UGT1A7: variants seen among roughly 807,000 people sequenced by gnomAD.
UGT1A7 encodes the protein UDP glucuronosyltransferase family 1 member A7, also known as UDP-glucuronosyltransferase 1A7.
A neutral mutation model predicts 45.6 loss-of-function variants in UGT1A7; 33 were observed. The ratio of observed to expected loss-of-function variants is 0.72; its 90% CI spans 0.55 to 0.97. The LOEUF (loss-of-function observed/expected upper bound fraction) is 0.97, where lower values mean the gene tolerates loss of function less well. UGT1A7 is among the 50% of genes least tolerant of loss of function. UGT1A7 has a pLI of 0.00. For synonymous variants in UGT1A7, 274 were observed against 250.6 expected (o/e 1.09, Z -0.88); for missense variants, 684 against 666.2 (o/e 1.03, Z -0.29).
At chr2:233,719,157 A>G (rs757422133) in intron 1 of UGT1A7, 8 of 1,614,264 alleles carry the variant, frequency 5.0e-6, no homozygotes, top group Admixed American at 1.7e-5. Flanking sequence ...ATATTCTAGA[A>G]GTATGGCAAT....
At chr2:233,764,686 A>G (rs1297996810) in intron 1 of UGT1A7, among the ~76,000 whole-genome samples, 1 of 152,166 alleles carries the variant, frequency 6.6e-6, no homozygotes, top group African/African-American at 2.4e-5. Context: ...GAACTTGAAG[A>G]GCACTTGGAA....
chr2:233,733,214 A>G (rs920142608), intron 1 of UGT1A7, among the ~76,000 whole-genome samples: 2 of 152,180 alleles, frequency 1.3e-5, no homozygotes, highest in African/African-American at 4.8e-5. Flanking sequence ...TTGGGCTGAG[A>G]CAATGGGGTT....
intron 1 of UGT1A7, among the ~76,000 whole-genome samples, chr2:233,712,293 G>A (rs1484888784): frequency 6.6e-6 from 1 of 152,208 alleles, no homozygotes; most frequent in African/African-American, 2.4e-5. Context: ...TTCTTCCATG[G>A]TGTAGATGGA....
At chr2:233,709,811 T>C (rs1202095229) in intron 1 of UGT1A7, among the ~76,000 whole-genome samples, 2 of 152,254 alleles carry the variant, frequency 1.3e-5, no homozygotes, top group Admixed American at 6.5e-5. Context: ...TTCTGAGTTG[T>C]AATGATTTTA....
At chr2:233,717,980 G>A (rs1360094049) in intron 1 of UGT1A7, 3 of 443,956 alleles carry the variant, frequency 6.8e-6, no homozygotes, top group African/African-American at 6.1e-5. Context: ...TTCAGAAGAG[G>A]AATTCAGACT....
chr2:233,693,978 G>T (rs1189326021), intron 1 of UGT1A7: 83 of 1,557,818 alleles, frequency 5.3e-5, no homozygotes, highest in Non-Finnish European at 6.9e-5. Flanking sequence ...GAGAAACGGT[G>T]GGGGGAAGTG....
intron 1 of UGT1A7, chr2:233,741,566 A>C (rs1338597407): frequency 6.6e-6 from 1 of 151,914 alleles, no homozygotes; most frequent in Non-Finnish European, 1.5e-5. Flanking sequence ...TTGTATGAGA[A>C]TCAACTACCC....
chr2:233,735,645 G>C (rs1395226137), intron 1 of UGT1A7, among the ~76,000 whole-genome samples: 1 of 152,164 alleles, frequency 6.6e-6, no homozygotes, highest in Admixed American at 6.5e-5. Flanking sequence ...GCAGTGGCTG[G>C]TACTGGTGTT....
At position 233,772,474 on chromosome 2, in the gene UGT1A7, C is replaced by G; in HGVS notation, c.1508C>G (p.Thr503Ser). The G allele has an allele frequency of 6.2e-7, 1 of 1,614,104 alleles. No individual in the cohort carries two copies. Among genetic ancestry groups the G allele is most frequent in the Non-Finnish European group, 8.5e-7 (1 of 1,180,024 alleles). Residue 503 changes from threonine (T) to serine (S), a missense_variant, in exon 5 of 5, where the codon ACC (threonine) becomes AGC (serine). By Grantham distance (58) the Thr-to-Ser change is moderately conservative. Transcript: ENST00000373426. ...GTCGTGCTGACAGTGGCCTTCATCA[C>G]CTTTAAATGTTGTGCTTATGGCTAC... is the stretch of plus-strand genomic sequence containing the variant. The part of the protein sequence containing the change: ...LAVVLTVAFI[T>S]FKCCAYGYRK...
At chr2:233,719,313 C>A in intron 1 of UGT1A7, 2 of 1,613,954 alleles carry the variant, frequency 1.2e-6, no homozygotes, top group Non-Finnish European at 1.7e-6. Flanking sequence ...GGCTAAGTAC[C>A]TGTCGATTCC....
intron 1 of UGT1A7, among the ~76,000 whole-genome samples, chr2:233,746,183 A>G (rs985573808): frequency 4.6e-5 from 7 of 151,896 alleles, no homozygotes; most frequent in Admixed American, 6.5e-5. Context: ...TGTAAGGAAT[A>G]TATGTATAGG....
chr2:233,760,219 C>T (rs2125980617), intron 1 of UGT1A7: 1 of 1,593,340 alleles, frequency 6.3e-7, no homozygotes, highest in Non-Finnish European at 8.5e-7. Flanking sequence ...CTTGGTGTAT[C>T]GATTGGTTTT....
intron 1 of UGT1A7, chr2:233,747,336 G>A (rs1693629813): frequency 6.2e-7 from 1 of 1,603,524 alleles, no homozygotes; most frequent in Admixed American, 1.7e-5. Flanking sequence ...GCAGCCACTG[G>A]CTCGCATGCG....
chr2:233,759,780 G>C (rs1697251948), intron 1 of UGT1A7, among the ~76,000 whole-genome samples: 1 of 152,286 alleles, frequency 6.6e-6, no homozygotes, highest in South Asian at 2.1e-4. Context: ...TTGGACGAAG[G>C]AATGAAACAC....
At chr2:233,702,895 A>G (rs2075712942) in intron 1 of UGT1A7, among the ~76,000 whole-genome samples, 1 of 152,172 alleles carries the variant, frequency 6.6e-6, no homozygotes. Flanking sequence ...TCATATCCAT[A>G]AGAGATATTG....
At chr2:233,738,677 A>C (rs1328958529) in intron 1 of UGT1A7, among the ~76,000 whole-genome samples, 2 of 152,316 alleles carry the variant, frequency 1.3e-5, no homozygotes, top group East Asian at 3.9e-4. Flanking sequence ...AGATGATCTG[A>C]AATTGGAACT....
chr2:233,719,182 CT>C, intron 1 of UGT1A7: 1 of 1,614,216 alleles, frequency 6.2e-7, no homozygotes, highest in Non-Finnish European at 8.5e-7. Context: ...AACAATGTAT[CT>C]TTGGCCCTTC....
chr2:233,722,743 G>A (rs1388091069), intron 1 of UGT1A7, among the ~76,000 whole-genome samples: 1 of 151,770 alleles, frequency 6.6e-6, no homozygotes, highest in Non-Finnish European at 1.5e-5. Context: ...TTGATGCAGT[G>A]ACTGTCTATA....
Position 233,743,587 on chromosome 2 carries a change from G to A in UGT1A7, c.856-23447G>A, listed in dbSNP as rs375891802. On this transcript the variant is annotated intron_variant, in intron 1 of 4. Transcript: ENST00000373426. ...GCGGGTTTCCCAAGAGGTCAAAGGA[G>A]AATGGGTCCTGGCCGCCGAAGAACT... The A allele has an allele frequency of 8.8e-6, 12 of 1,367,220 alleles. No individual in the cohort carries two copies. In the East Asian group the frequency reaches 1.4e-4, roughly 16 times the overall value. 84.7% of individuals were successfully genotyped at this position (1,367,220 alleles called of 1,614,324 possible).
Sources: allele counts gnomAD v4.1 joint callset (sites outside exome capture counted in the v4.1 genomes callset), GRCh38; gene constraint gnomAD v4.1.1; transcripts MANE v1.5; gene names NCBI Gene and HGNC (gene_info 2026-07-23, HGNC 2026-07-21).